SFMBT2: variants seen among roughly 807,000 people sequenced by gnomAD.
The protein encoded by SFMBT2 is Scm like with four mbt domains 2, also known as scm-like with four MBT domains protein 2.
SFMBT2 carries 38 observed loss-of-function variants against 110.1 expected under a neutral mutation model. That is an observed-to-expected ratio of 0.35 (90% CI 0.27 to 0.45). SFMBT2 has a LOEUF of 0.45. SFMBT2 is among the 20% of genes least tolerant of loss of function. The pLI is 1.00. For synonymous variants in SFMBT2, 425 were observed against 425.4 expected (o/e 1.00, Z 0.01); for missense variants, 1,011 against 1,094.9 (o/e 0.92, Z 1.08).
At chr10:7,335,956 A>C (rs1843708392) in intron 4 of SFMBT2, among the ~76,000 whole-genome samples, 1 of 152,220 alleles carries the variant, frequency 6.6e-6, no homozygotes, top group Non-Finnish European at 1.5e-5. Flanking sequence ...GCCACTAAAA[A>C]GAAAAAAAAA....
chr10:7,312,751 C>A (rs992066909), intron 4 of SFMBT2, among the ~76,000 whole-genome samples: 2 of 149,754 alleles, frequency 1.3e-5, no homozygotes, highest in African/African-American at 4.9e-5. Context: ...GTTTACTGAA[C>A]CCCCCAGAAT....
intron 4 of SFMBT2, among the ~76,000 whole-genome samples, chr10:7,350,307 T>C (rs887065035): frequency 6.6e-6 from 1 of 152,098 alleles, no homozygotes; most frequent in African/African-American, 2.4e-5. Context: ...CAACCTGAAT[T>C]GTCCATCCGG....
At chr10:7,275,834 G>A (rs953404935) in intron 7 of SFMBT2, among the ~76,000 whole-genome samples, 19 of 152,296 alleles carry the variant, frequency 1.2e-4, no homozygotes, top group African/African-American at 4.1e-4. Context: ...AATCCAGGAA[G>A]CCCACGTCCC....
chr10:7,357,803 G>C (rs1015193327), intron 4 of SFMBT2, among the ~76,000 whole-genome samples: 7 of 152,174 alleles, frequency 4.6e-5, no homozygotes, highest in South Asian at 2.1e-4. Flanking sequence ...CATTCCCTGA[G>C]AGCCAGGCTC....
In SFMBT2 at chr10:7,170,008, C is replaced by T. The variant is rs1456423568; in HGVS notation, c.2544+920G>A. Reference sequence around the variant, plus strand: ...ATGACGAAAGCAGCATTCAGTACGACACACCAGCCAGCGGGCTTCTGCTCT... The same window carrying T: ...ATGACGAAAGCAGCATTCAGTACGATACACCAGCCAGCGGGCTTCTGCTCT... On this transcript the variant is annotated intron_variant, in intron 20 of 20. Coordinates refer to ENST00000397167, the MANE Select transcript of SFMBT2 (RefSeq NM_001387889.1). This position sits in a 1 kb window ranked among gnomAD's most constrained non-coding sequence, Gnocchi z 4.6. Among the ~76,000 whole-genome samples, 1 of 152,184 alleles carries T rather than the reference C, an allele frequency of 6.6e-6. No homozygotes were observed. The highest frequency in any genetic ancestry group is 2.4e-5 in the African/African-American group (1 of 41,436).
chr10:7,178,988 T>A (rs1838159511), intron 16 of SFMBT2, among the ~76,000 whole-genome samples: 1 of 152,220 alleles, frequency 6.6e-6, no homozygotes, highest in Non-Finnish European at 1.5e-5. Context: ...TAGGAATGTC[T>A]TTCTAAAGAC....
intron 4 of SFMBT2, among the ~76,000 whole-genome samples, chr10:7,360,239 G>A (rs1336885793): frequency 1.3e-5 from 2 of 152,188 alleles, no homozygotes; most frequent in Non-Finnish European, 2.9e-5. Context: ...AGGCCAAGGT[G>A]GAAAGATCAT....
chr10:7,385,168 T>C (rs1845555724), intron 1 of SFMBT2, among the ~76,000 whole-genome samples: 1 of 152,140 alleles, frequency 6.6e-6, no homozygotes, highest in Non-Finnish European at 1.5e-5. Context: ...AAGCGTCCAC[T>C]GAGAATGTTC....
At chr10:7,247,116 G>T (rs535521459) in intron 8 of SFMBT2, among the ~76,000 whole-genome samples, 1 of 151,928 alleles carries the variant, frequency 6.6e-6, no homozygotes, top group Admixed American at 6.6e-5. Context: ...TTTTGTTTTT[G>T]TTGTTGTTTG....
At chr10:7,388,704 T>A (rs11255101) in intron 1 of SFMBT2, among the ~76,000 whole-genome samples, 3,883 of 151,886 alleles carry the variant, frequency 0.026, 88 homozygotes, top group Non-Finnish European at 0.038. Context: ...TACATGACAG[T>A]CAGGCAAGAC....
At chr10:7,286,562 C>CT (rs146187612) in intron 4 of SFMBT2, 3 of 154,906 alleles carry the variant, frequency 1.9e-5, no homozygotes, top group African/African-American at 4.8e-5. Flanking sequence ...AACATGTACA[C>CT]TTTTTTTTCT....
chr10:7,323,583 G>T (rs376382229), intron 4 of SFMBT2, among the ~76,000 whole-genome samples: 7 of 152,026 alleles, frequency 4.6e-5, no homozygotes, highest in African/African-American at 1.4e-4. Flanking sequence ...AACTATAGTG[G>T]TTTTTTCAAT....
chr10:7,215,686 G>A, intron 11 of SFMBT2: 2 of 985,438 alleles, frequency 2.0e-6, no homozygotes, highest in Non-Finnish European at 2.4e-6. Flanking sequence ...GTCCGCTGCA[G>A]GTGCCAGAGG....
chr10:7,281,854 T>C (rs1304582386), intron 6 of SFMBT2, among the ~76,000 whole-genome samples: 4 of 152,160 alleles, frequency 2.6e-5, no homozygotes, highest in African/African-American at 4.8e-5. Flanking sequence ...CTTTTTTTTG[T>C]TTGTTTGTTT....
chr10:7,319,068 G>A (rs1843097647), intron 4 of SFMBT2, among the ~76,000 whole-genome samples: 1 of 152,206 alleles, frequency 6.6e-6, no homozygotes. Context: ...GAGACACGGA[G>A]GCAGAGTTTC....
intron 7 of SFMBT2, among the ~76,000 whole-genome samples, chr10:7,250,942 G>A (rs1460606986): frequency 6.6e-6 from 1 of 152,180 alleles, no homozygotes; most frequent in African/African-American, 2.4e-5. Context: ...AGGGCCAGAA[G>A]CCACAGGTGA....
Position 7,320,524 on chromosome 10 carries a change from T to A in SFMBT2, c.437-34570A>T, listed in dbSNP as rs948270749. On this transcript the variant is annotated intron_variant, in intron 4 of 20. Coordinates refer to ENST00000397167, the MANE Select transcript of SFMBT2 (RefSeq NM_001387889.1). The stretch of plus-strand genomic sequence containing the variant: ...CTGGAGAATCACTGGAGTATTTTCT[T>A]ATGAAAGGAACCATTTCACTATAGG... The A allele has an allele frequency of 3.7e-5, 32 of 870,168 alleles. No individual in the cohort carries two copies. In the Admixed American group the frequency reaches 1.8e-3, roughly 49 times the overall value. The allele number at this position is 870,168 out of a possible 1,614,324, so 53.9% of individuals were successfully genotyped here. A position where few individuals can be genotyped will look rare whatever the true frequency, so the allele number is the denominator to read the frequency against.
intron 2 of SFMBT2, among the ~76,000 whole-genome samples, chr10:7,373,113 G>C (rs1450037229): frequency 6.6e-6 from 1 of 152,170 alleles, no homozygotes; most frequent in Non-Finnish European, 1.5e-5. Context: ...TGGGTCATGG[G>C]GGCAGATCCC....
intron 4 of SFMBT2, among the ~76,000 whole-genome samples, chr10:7,316,946 T>A (rs1231634770): frequency 3.9e-5 from 6 of 152,084 alleles, no homozygotes; most frequent in African/African-American, 1.4e-4. Context: ...GTCCTTAAAC[T>A]CAGGGACTAT....
Sources: gnomAD v4.1 joint callset for allele counts (sites outside exome capture counted in the v4.1 genomes callset) on GRCh38, gnomAD v4.1.1 for gene constraint, Gnocchi (gnomAD v3.1) non-coding constraint, MANE v1.5 for transcripts, NCBI Gene and HGNC (gene_info 2026-07-23, HGNC 2026-07-21) for gene names.